KMT2C: variants seen among roughly 807,000 people sequenced by gnomAD.
KMT2C encodes histone-lysine N-methyltransferase 2C.
Under a neutral mutation model 507.9 loss-of-function variants are expected in KMT2C, and 88 were observed. The ratio of observed to expected loss-of-function variants is 0.17; its 90% confidence interval spans 0.15 to 0.21. The LOEUF is 0.21. KMT2C is among the 10% of genes least tolerant of loss of function. The pLI, the probability that KMT2C is intolerant of heterozygous loss-of-function variation, is 1.00. For missense variants in KMT2C, 4,954 were observed against 5,957.8 expected (o/e 0.83, Z 5.55); for synonymous variants, 2,049 against 2,080.8 (o/e 0.98, Z 0.42).
At chr7:152,365,026 T>C (rs1236889336) in intron 1 of KMT2C, among the ~76,000 whole-genome samples, 1 of 148,838 alleles carries the variant, frequency 6.7e-6, no homozygotes, top group Non-Finnish European at 1.5e-5. Flanking sequence ...AAAGAGAAAA[T>C]ATTAAAAGCA....
chr7:152,138,934 T>C lies in KMT2C; in HGVS notation c.14535-30A>G, dbSNP rs376746840. On this transcript the variant is annotated intron_variant, in intron 57 of 58. Transcript: ENST00000262189. This position sits in a 1 kb window ranked among gnomAD's most constrained non-coding sequence, Gnocchi z 4.2. ...AAGCCACCATGTCAGAAAACTGTATTGTAAAACAGCTAGAAGCAGCTTTAA... is the reference window on the plus strand; with the variant it reads ...AAGCCACCATGTCAGAAAACTGTATCGTAAAACAGCTAGAAGCAGCTTTAA... The C allele has an allele frequency of 1.5e-5, 23 of 1,520,652 alleles. No homozygotes were observed. The highest frequency in any genetic ancestry group is 5.5e-5 in the African/African-American group (4 of 73,038). The allele number at this position is 1,520,652 out of a possible 1,614,324, so 94.2% of individuals were successfully genotyped here.
intron 2 of KMT2C, among the ~76,000 whole-genome samples, chr7:152,352,269 A>G (rs1319313128): frequency 1.3e-5 from 2 of 152,124 alleles, no homozygotes; most frequent in African/African-American, 2.4e-5. Context: ...TGGTCAGACC[A>G]GTTGTCTGCT....
In KMT2C at chr7:152,185,630, A is replaced by C; in HGVS notation, c.5010T>G (p.Asp1670Glu). ...NFPNLKEEFP[D>E]WTTRVKQIAK... ...CAATTTGCTTCACTCTAGTAGTCCAATCTGCAACAAAAGAACAGAGTATAA... is the reference window on the plus strand; with the variant it reads ...CAATTTGCTTCACTCTAGTAGTCCACTCTGCAACAAAAGAACAGAGTATAA... Residue 1670 changes from aspartate (D) to glutamate (E), a missense_variant and splice_region_variant, in exon 34 of 59, where the codon GAT (aspartate) becomes GAG (glutamate). Coordinates refer to ENST00000262189, the MANE Select transcript of KMT2C (RefSeq NM_170606.3). The C allele has an allele frequency of 6.2e-7, 1 of 1,610,050 alleles. No individual in the cohort carries two copies. Among genetic ancestry groups the C allele is most frequent in the South Asian group, 1.1e-5 (1 of 90,990 alleles).
At chr7:152,378,796 A>G (rs943259198) in intron 1 of KMT2C, among the ~76,000 whole-genome samples, 1 of 152,108 alleles carries the variant, frequency 6.6e-6, no homozygotes, top group Non-Finnish European at 1.5e-5. Context: ...TATTTTCTTC[A>G]CTCTGAAGTA....
At chr7:152,289,370 T>G (rs1394057458) in intron 6 of KMT2C, among the ~76,000 whole-genome samples, 1 of 152,226 alleles carries the variant, frequency 6.6e-6, no homozygotes, top group Non-Finnish European at 1.5e-5. Flanking sequence ...CATTAATGTT[T>G]TAAGTCTTGA....
chr7:152,283,291 A>G (rs564026902), intron 6 of KMT2C, among the ~76,000 whole-genome samples: 2 of 152,412 alleles, frequency 1.3e-5, no homozygotes, highest in East Asian at 1.9e-4. Context: ...TTTAAAGTTA[A>G]TAAGAAAACA....
intron 1 of KMT2C, among the ~76,000 whole-genome samples, chr7:152,359,750 T>C (rs995855359): frequency 1.3e-5 from 2 of 151,460 alleles, no homozygotes; most frequent in African/African-American, 4.9e-5. Context: ...ACATAAAACA[T>C]TTAAAAAGTG....
At chr7:152,362,073 G>C (rs1448554131) in intron 1 of KMT2C, among the ~76,000 whole-genome samples, 1 of 152,072 alleles carries the variant, frequency 6.6e-6, no homozygotes, top group Non-Finnish European at 1.5e-5. Flanking sequence ...CTAGTGAGAA[G>C]AGACAACAGT....
At chr7:152,352,317 T>C (rs967530306) in intron 2 of KMT2C, among the ~76,000 whole-genome samples, 2 of 152,184 alleles carry the variant, frequency 1.3e-5, no homozygotes, top group Non-Finnish European at 1.5e-5. Flanking sequence ...TCAATTACAA[T>C]GCGTGCCCGA....
rs1588626891 is a variant in KMT2C, at chr7:152,255,109, T to TATATA, written c.1300-2395_1300-2394insTATAT. Among the ~76,000 whole-genome samples the TATATA allele has an allele frequency of 4.0e-3, 315 of 78,348 alleles. 8 individuals carry two copies. The highest frequency in any genetic ancestry group is 8.3e-3 in the Middle Eastern group (1 of 120). The allele number at this position is 78,348 out of a possible 152,430, so 51.4% of individuals were successfully genotyped here. On this transcript the variant is annotated intron_variant, in intron 9 of 58. Coordinates refer to ENST00000262189, the MANE Select transcript of KMT2C (RefSeq NM_170606.3). ...AATCAAGATGTCAATCAACTCTCAC[T>TATATA]TATATATATATATATATATATATAT...
intron 5 of KMT2C, among the ~76,000 whole-genome samples, chr7:152,311,403 T>C (rs952619093): frequency 4.6e-5 from 7 of 152,172 alleles, no homozygotes; most frequent in African/African-American, 1.7e-4. Flanking sequence ...TACAATACTG[T>C]TATAATAAGA....
intron 1 of KMT2C, among the ~76,000 whole-genome samples, chr7:152,410,615 ATAT>A (rs1473196240): frequency 6.8e-6 from 1 of 147,284 alleles, no homozygotes; most frequent in Non-Finnish European, 1.5e-5. Flanking sequence ...TAATTTATAT[ATAT>A]TATATTATAA....
At chr7:152,322,188 C>G (rs1589176652) in intron 3 of KMT2C, among the ~76,000 whole-genome samples, 2 of 151,866 alleles carry the variant, frequency 1.3e-5, no homozygotes, top group South Asian at 4.2e-4. Context: ...CATGGTGAAA[C>G]CCCGTCTCTA....
intron 6 of KMT2C, among the ~76,000 whole-genome samples, chr7:152,305,268 C>CA (rs1212155152): frequency 1.3e-5 from 2 of 152,030 alleles, no homozygotes; most frequent in African/African-American, 2.4e-5. Context: ...AAAAAGAAAA[C>CA]AAAAAAGCAG....
chr7:152,153,165 A>G (rs12669398), intron 48 of KMT2C, among the ~76,000 whole-genome samples: 74 of 152,338 alleles, frequency 4.9e-4, no homozygotes, highest in East Asian at 3.5e-3. Flanking sequence ...AGAAATCCTC[A>G]TAAAGGGATT....
rs765105659 is a variant in KMT2C at position 152,182,350 on chromosome 7, G to T, written c.5510C>A (p.Thr1837Asn). ...ATCATCTGAAGATGTAGACGTAGGG[G>T]TACTGGGTGGCTGTTTTGTAAACAG... The part of the protein sequence containing the change: ...KELFTKQPPS[T>N]PTSTSSDDVF... The change falls in exon 36 of 59, where the codon ACC becomes AAC. Residue 1837 changes from threonine (T) to asparagine (N), a missense_variant. Transcript: ENST00000262189. 1 of 1,613,800 alleles carries T rather than the reference G, an allele frequency of 6.2e-7. No homozygotes were observed. The highest frequency in any genetic ancestry group is 1.3e-5 in the African/African-American group (1 of 75,012).
chr7:152,178,404 T>A (rs953566703), intron 37 of KMT2C, among the ~76,000 whole-genome samples: 1 of 152,166 alleles, frequency 6.6e-6, no homozygotes, highest in African/African-American at 2.4e-5. Flanking sequence ...TCGGGGATGA[T>A]GTTTGAATGA....
intron 2 of KMT2C, among the ~76,000 whole-genome samples, chr7:152,352,124 G>A (rs773122927): frequency 1.3e-5 from 2 of 152,200 alleles, no homozygotes; most frequent in Non-Finnish European, 2.9e-5. Flanking sequence ...ATGCATCCCT[G>A]AGGGTGGGCC....
chr7:152,328,133 A>G (rs549096678), intron 3 of KMT2C, among the ~76,000 whole-genome samples: 1 of 152,246 alleles, frequency 6.6e-6, no homozygotes, highest in Admixed American at 6.5e-5. Flanking sequence ...TGCCACAAAG[A>G]AAAATAAAGC....
Sources: gnomAD v4.1 joint callset for allele counts (sites outside exome capture counted in the v4.1 genomes callset) on GRCh38, gnomAD v4.1.1 for gene constraint, Gnocchi (gnomAD v3.1) non-coding constraint, MANE v1.5 for transcripts, NCBI Gene and HGNC (gene_info 2026-07-23, HGNC 2026-07-21) for gene names.